The following CDC42SE2 variants were observed in gnomAD, a reference collection of about 807,000 sequenced individuals.
CDC42SE2 encodes the protein CDC42 small effector 2, also known as CDC42 small effector protein 2.
In CDC42SE2, 3 loss-of-function variants were observed where a neutral mutation model predicts 11.5. That is an observed-to-expected ratio of 0.26 (90% CI 0.12 to 0.67). The LOEUF (loss-of-function observed/expected upper bound fraction) is 0.67, where lower values mean the gene tolerates loss of function less well. CDC42SE2 is among the 30% of genes least tolerant of loss of function. The pLI is 0.80. For missense variants in CDC42SE2, 82 were observed against 106.8 expected, an observed-to-expected ratio of 0.77 and a Z score of 1.02; for synonymous variants, 33 against 34.8, an observed-to-expected ratio of 0.95 and a Z score of 0.18.
chr5:131,215,453 A>G, the CDC42SE2 span, among the ~76,000 whole-genome samples: 2 of 152,188 alleles, frequency 1.3e-5, no homozygotes, highest in African/African-American at 4.8e-5. Context: ...CTGGAATGCT[A>G]TGAGCAGTCT....
At chr5:131,298,582 A>G (rs1040672478) in intron 1 of CDC42SE2, among the ~76,000 whole-genome samples, 4 of 150,510 alleles carry the variant, frequency 2.7e-5, no homozygotes, top group African/African-American at 9.8e-5. Context: ...GCATCCCAGT[A>G]TCTTTTTGGG....
chr5:131,247,660 T>C (rs1234121000), intron 1 of CDC42SE2, among the ~76,000 whole-genome samples: 1 of 152,092 alleles, frequency 6.6e-6, no homozygotes, highest in East Asian at 1.9e-4. Flanking sequence ...TATTTATTTG[T>C]ATAGATAGAG....
chr5:131,228,062 C>T, the CDC42SE2 span, among the ~76,000 whole-genome samples: 38 of 152,268 alleles, frequency 2.5e-4, no homozygotes, highest in African/African-American at 8.9e-4. Context: ...CAAAAAATAG[C>T]CAGGCATGGT....
At chr5:131,270,810 G>A (rs1312193352) in intron 1 of CDC42SE2, among the ~76,000 whole-genome samples, 1 of 152,188 alleles carries the variant, frequency 6.6e-6, no homozygotes, top group East Asian at 1.9e-4. Context: ...GCTCAAAACT[G>A]CTTTGAACCT....
At chr5:131,358,005 T>C (rs1167985208) in intron 2 of CDC42SE2, among the ~76,000 whole-genome samples, 1 of 152,244 alleles carries the variant, frequency 6.6e-6, no homozygotes, top group African/African-American at 2.4e-5. Flanking sequence ...TTTCCTCTTC[T>C]AATTCTGGTA....
chr5:131,225,634 G>C, the CDC42SE2 span, among the ~76,000 whole-genome samples: 1 of 152,166 alleles, frequency 6.6e-6, no homozygotes, highest in Non-Finnish European at 1.5e-5. Context: ...AGGCTCCTTT[G>C]CTTGCCCTAC....
intron 2 of CDC42SE2, among the ~76,000 whole-genome samples, chr5:131,258,327 T>C (rs930837431): frequency 3.9e-5 from 6 of 152,006 alleles, no homozygotes; most frequent in African/African-American, 1.5e-4. Flanking sequence ...TTAACAAACA[T>C]ATAAAGGAAA....
chr5:131,351,098 A>T (rs1758998751), intron 2 of CDC42SE2, among the ~76,000 whole-genome samples: 1 of 151,730 alleles, frequency 6.6e-6, no homozygotes, highest in Non-Finnish European at 1.5e-5. Context: ...AGGTGTGTGC[A>T]ACCATGCCCA....
intron 1 of CDC42SE2, among the ~76,000 whole-genome samples, chr5:131,266,048 C>G (rs905916072): frequency 2.0e-5 from 3 of 152,088 alleles, no homozygotes; most frequent in African/African-American, 7.2e-5. Flanking sequence ...TGCATATAAA[C>G]TTGATAGTGC....
chr5:131,310,747 C>T lies in CDC42SE2; in HGVS notation c.-454-5229C>T, dbSNP rs538056052. On this transcript the variant is annotated intron_variant, in intron 1 of 4. Transcript: ENST00000505065. ...TTTGATGGTTTAAAGTCTGTTTTAT[C>T]AGAGACTAGGATTGCAACCCCTGCC... 1.2e-3 allele frequency among the ~76,000 whole-genome samples: 178 copies of T among 152,030 alleles called. 2 individuals are homozygous for T. The highest frequency in any genetic ancestry group is 1.9e-3 in the Non-Finnish European group (132 of 68,010).
chr5:131,366,046 T>C (rs1749846657), intron 3 of CDC42SE2, among the ~76,000 whole-genome samples: 1 of 152,202 alleles, frequency 6.6e-6, no homozygotes, highest in Non-Finnish European at 1.5e-5. Context: ...TAGAAAAACA[T>C]CATAGAAGAC....
rs1237092691 is a variant in CDC42SE2 at position 131,394,363 on chromosome 5, G to A, written c.*3272G>A. 2.6e-5 allele frequency: 4 copies of A among 152,332 alleles called. No individual in the cohort carries two copies. In the South Asian group the frequency reaches 6.2e-4, roughly 24 times the overall value. 9.4% of individuals were successfully genotyped at this position (152,332 alleles called of 1,614,324 possible). On this transcript the variant is annotated 3_prime_UTR_variant, in exon 5 of 5. Transcript: ENST00000505065. ...GCGTAGAGCGGAAATGTTGACTTTA[G>A]TTAACATTGGGTTTAGCATTTCCAG...
chr5:131,386,761 TAA>T (rs1750499557), intron 4 of CDC42SE2, among the ~76,000 whole-genome samples: 1 of 152,198 alleles, frequency 6.6e-6, no homozygotes, highest in Non-Finnish European at 1.5e-5. Context: ...ATGCCTAAAG[TAA>T]ACAAGTATAA....
intron 2 of CDC42SE2, among the ~76,000 whole-genome samples, chr5:131,352,572 A>G (rs1749374531): frequency 6.6e-6 from 1 of 152,220 alleles, no homozygotes; most frequent in African/African-American, 2.4e-5. Flanking sequence ...TCAGTCTTTT[A>G]TAACTGAGTT....
intron 2 of CDC42SE2, among the ~76,000 whole-genome samples, chr5:131,318,278 A>G (rs1052284688): frequency 1.3e-5 from 2 of 152,156 alleles, no homozygotes; most frequent in Admixed American, 6.5e-5. Flanking sequence ...AAGTTGTATG[A>G]TGCACTTTAC....
At chr5:131,378,209 C>T (rs1176256339) in intron 3 of CDC42SE2, among the ~76,000 whole-genome samples, 1 of 152,104 alleles carries the variant, frequency 6.6e-6, no homozygotes, top group Non-Finnish European at 1.5e-5. Flanking sequence ...AAGGGTGTTT[C>T]ATATAGTTTG....
chr5:131,329,373 A>G (rs1758363476), intron 2 of CDC42SE2, among the ~76,000 whole-genome samples: 1 of 152,118 alleles, frequency 6.6e-6, no homozygotes, highest in Non-Finnish European at 1.5e-5. Flanking sequence ...CTTGGAATCC[A>G]GATTTACTTC....
At chr5:131,225,960 A>G in the CDC42SE2 span, among the ~76,000 whole-genome samples, 1 of 152,192 alleles carries the variant, frequency 6.6e-6, no homozygotes, top group African/African-American at 2.4e-5. Flanking sequence ...ATTTATTGTT[A>G]TGGGTACATG....
chr5:131,264,488 C>T (rs1487187786), intron 1 of CDC42SE2, among the ~76,000 whole-genome samples: 1 of 147,534 alleles, frequency 6.8e-6, no homozygotes, highest in Non-Finnish European at 1.5e-5. Flanking sequence ...AATGGAAAGG[C>T]AGACCCCCCC....
Sources: gnomAD v4.1 joint callset for allele counts (sites outside exome capture counted in the v4.1 genomes callset) on GRCh38, gnomAD v4.1.1 for gene constraint, MANE v1.5 for transcripts, NCBI Gene and HGNC (gene_info 2026-07-23, HGNC 2026-07-21) for gene names.